MSANTD3: variants seen among roughly 807,000 people sequenced by gnomAD.
MSANTD3 encodes the protein Myb/SANT DNA binding domain containing 3, also known as myb/SANT-like DNA-binding domain-containing protein 3.
In MSANTD3, 11 loss-of-function variants were observed where a neutral mutation model predicts 27.7. The ratio of observed to expected loss-of-function variants is 0.40; its 90% confidence interval spans 0.25 to 0.66. The LOEUF (loss-of-function observed/expected upper bound fraction) is 0.66. Among genes scored for constraint, MSANTD3 ranks in the 30% least tolerant of loss-of-function variants. The pLI, the probability that MSANTD3 is intolerant of heterozygous loss-of-function variation, is 0.41. For missense variants in MSANTD3, 250 were observed against 336.5 expected (o/e 0.74, Z 2.01); for synonymous variants, 131 against 127.2 (o/e 1.03, Z -0.20).
chr9:100,446,825 T>TAA (rs34205662), intron 2 of MSANTD3, among the ~76,000 whole-genome samples: 6,492 of 141,586 alleles, frequency 0.046, 230 homozygotes, highest in African/African-American at 0.1. Context: ...AGACTTCGTC[T>TAA]AAAAAAAAAA....
intron 1 of MSANTD3, among the ~76,000 whole-genome samples, chr9:100,440,282 TA>T (rs1836578852): frequency 6.6e-6 from 1 of 152,160 alleles, no homozygotes; most frequent in Admixed American, 6.5e-5. Context: ...ACCAGACTCC[TA>T]GGGCAGTCCA....
chr9:100,434,425 G>A (rs1836432821), intron 1 of MSANTD3, among the ~76,000 whole-genome samples: 3 of 152,118 alleles, frequency 2.0e-5, no homozygotes, highest in Non-Finnish European at 4.4e-5. Context: ...AGCTACTTGG[G>A]AAGCTGAAGC....
chr9:100,443,323 C>T (rs1314429677), intron 2 of MSANTD3, among the ~76,000 whole-genome samples: 6 of 151,326 alleles, frequency 4.0e-5, no homozygotes, highest in East Asian at 1.9e-4. Context: ...CGCTTGAATT[C>T]GGGAGGCAGA....
chr9:100,431,295 C>T (rs963010667), intron 1 of MSANTD3, among the ~76,000 whole-genome samples: 1 of 147,426 alleles, frequency 6.8e-6, no homozygotes, highest in Non-Finnish European at 1.5e-5. Context: ...AGCCACCATG[C>T]CTAGCCTTTT....
At chr9:100,439,139 C>T (rs1021470800) in intron 1 of MSANTD3, among the ~76,000 whole-genome samples, 1 of 152,108 alleles carries the variant, frequency 6.6e-6, no homozygotes, top group African/African-American at 2.4e-5. Flanking sequence ...TGAGGCAGTG[C>T]GTAGTGAGAG....
chr9:100,441,942 C>T lies in MSANTD3; in HGVS notation c.4C>T (p.Gln2Ter), dbSNP rs1180865219. M[Q>*]NNEIIKPAKY... ...GCCAGGAGAAATACAGTGGAAAATG[C>T]AAAACAACGAAATTATAAAGCCTGC... Residue 2 changes from glutamine to a stop codon, truncating the protein, a stop_gained, in exon 2 of 3, where the codon CAA becomes TAA. Coordinates refer to ENST00000395067, the MANE Select transcript of MSANTD3 (RefSeq NM_080655.3). LOFTEE classifies it high-confidence loss of function. 6.2e-7 allele frequency: 1 copy of T among 1,603,124 alleles called. No homozygotes were observed. The highest frequency in any genetic ancestry group is 1.3e-5 in the African/African-American group (1 of 74,396).
intron 2 of MSANTD3, among the ~76,000 whole-genome samples, chr9:100,446,065 G>A (rs974641104): frequency 6.6e-6 from 1 of 152,268 alleles, no homozygotes; most frequent in Admixed American, 6.5e-5. Context: ...AATAAAATTC[G>A]CTAGGAGTGG....
intron 2 of MSANTD3, among the ~76,000 whole-genome samples, chr9:100,442,935 G>A (rs1836664166): frequency 6.6e-6 from 1 of 152,014 alleles, no homozygotes; most frequent in African/African-American, 2.4e-5. Flanking sequence ...GATTAATGGA[G>A]TTCTTATTAG....
chr9:100,445,515 T>A (rs1441971013), intron 2 of MSANTD3, among the ~76,000 whole-genome samples: 2 of 152,344 alleles, frequency 1.3e-5, no homozygotes, highest in Admixed American at 6.5e-5. Context: ...ATTTTAGATA[T>A]GTTGGATTAA....
intron 2 of MSANTD3, 25 bp from the exon 3 acceptor site, chr9:100,450,530 CAT>C (rs1187129658): frequency 6.7e-7 from 1 of 1,490,104 alleles, no homozygotes; most frequent in Non-Finnish European, 8.9e-7. Flanking sequence ...AATCTTTGAA[CAT>C]ATGTTTTCTG....
Position 100,450,474 on chromosome 9 carries a change from C to G in MSANTD3, c.419-83C>G, listed in dbSNP as rs187297241. The G allele has an allele frequency of 2.5e-4, 312 of 1,257,760 alleles. 3 individuals are homozygous for G. In the African/African-American group the frequency reaches 4.4e-3, roughly 18 times the overall value. 77.9% of individuals were successfully genotyped at this position (1,257,760 alleles called of 1,614,324 possible). On this transcript the variant is annotated intron_variant, in intron 2 of 2. Transcript: ENST00000395067. ...TTAGATACATCCTGTAATGAAGGACCCTGTCATTTGAAATAGGATTGGTTT... is the reference window on the plus strand; with the variant it reads ...TTAGATACATCCTGTAATGAAGGACGCTGTCATTTGAAATAGGATTGGTTT...
intron 1 of MSANTD3, among the ~76,000 whole-genome samples, chr9:100,431,526 C>T (rs1315855324): frequency 1.4e-5 from 2 of 144,806 alleles, no homozygotes; most frequent in Admixed American, 1.4e-4. Flanking sequence ...TGGTCTCAAA[C>T]TTCTGGCATC....
In MSANTD3 at chr9:100,451,426, T is replaced by A. The variant is rs1327863774; in HGVS notation, c.*460T>A. ...CACGTTTCTCCAATGGTGATGCTGTTGCTCAGAACTTGCTAGAGGTCTTTA... is the reference window on the plus strand; with the variant it reads ...CACGTTTCTCCAATGGTGATGCTGTAGCTCAGAACTTGCTAGAGGTCTTTA... On this transcript the variant is annotated 3_prime_UTR_variant, in exon 3 of 3. Transcript: ENST00000395067. 1 of 153,062 alleles carries A rather than the reference T, an allele frequency of 6.5e-6. No individual in the cohort carries two copies. The highest frequency in any genetic ancestry group is 1.5e-5 in the Non-Finnish European group (1 of 68,848). The allele number at this position is 153,062 out of a possible 1,614,324, so 9.5% of individuals were successfully genotyped here. A position where few individuals can be genotyped will look rare whatever the true frequency, so the allele number is the denominator to read the frequency against.
intron 1 of MSANTD3, 113 bp from the exon 2 acceptor site, chr9:100,441,793 A>G: frequency 8.3e-7 from 1 of 1,204,982 alleles, no homozygotes; most frequent in Non-Finnish European, 1.1e-6. Context: ...CTTAATGGAA[A>G]AGAAAGTACT....
At chr9:100,431,699 C>G (rs183771647) in intron 1 of MSANTD3, among the ~76,000 whole-genome samples, 22 of 152,196 alleles carry the variant, frequency 1.4e-4, no homozygotes, top group African/African-American at 3.9e-4. Flanking sequence ...CGGAGCTCAC[C>G]GTCAGATAGG....
Position 100,442,152 on chromosome 9 carries a change from A to G in MSANTD3, c.214A>G (p.Lys72Glu). Residue 72 changes from lysine to glutamate, a missense_variant, in exon 2 of 3, where the codon AAG (lysine) becomes GAG (glutamate). By Grantham distance (56) the Lys-to-Glu change is moderately conservative. Coordinates refer to ENST00000395067, the MANE Select transcript of MSANTD3 (RefSeq NM_080655.3). ...VSLRDFKQLK[K>E]CWENIKARTK... ...CCTGCGGGATTTCAAACAGCTGAAGAAGTGCTGGGAGAACATCAAGGCTCG... is the reference window on the plus strand; with the variant it reads ...CCTGCGGGATTTCAAACAGCTGAAGGAGTGCTGGGAGAACATCAAGGCTCG... 1 of 1,614,182 alleles carries G rather than the reference A, an allele frequency of 6.2e-7. No homozygotes were observed.
At chr9:100,445,155 A>C (rs1255767621) in intron 2 of MSANTD3, 2 of 1,565,580 alleles carry the variant, frequency 1.3e-6, no homozygotes, top group Non-Finnish European at 1.8e-6. Flanking sequence ...CATTTCACTC[A>C]TTTTGCATTT....
In MSANTD3 at chr9:100,437,288, C is replaced by T. The variant is rs144259559; in HGVS notation, c.-33-4618C>T. ...CACACTCCACCTAAATTGCCCTACC[C>T]TGGGCCCTTTCCCGGCTGATGATTA... On this transcript the variant is annotated intron_variant, in intron 1 of 2. Transcript: ENST00000395067. 5.3e-5 allele frequency among the ~76,000 whole-genome samples: 8 copies of T among 152,266 alleles called. No homozygotes were observed. In the East Asian group the frequency reaches 1.4e-3, roughly 26 times the overall value.
At position 100,427,149 on chromosome 9, in the gene MSANTD3, G is replaced by A. The variant is rs1404034354; in HGVS notation, c.-278G>A. 1 of 148,440 alleles carries A rather than the reference G, an allele frequency of 6.7e-6. No individual in the cohort carries two copies. 9.2% of individuals were successfully genotyped at this position (148,440 alleles called of 1,614,324 possible). A position where few individuals can be genotyped will look rare whatever the true frequency, so the allele number is the denominator to read the frequency against. On this transcript the variant is annotated 5_prime_UTR_variant, in exon 1 of 3. Transcript: ENST00000395067. The stretch of plus-strand genomic sequence containing the variant: ...GGGCCGCGCTCCCGCCCTCCTCGGC[G>A]GCGCCGACGGACCGGCAGGCGGCGG...
Sources: gnomAD v4.1 joint callset for allele counts (sites outside exome capture counted in the v4.1 genomes callset) on GRCh38, gnomAD v4.1.1 for gene constraint, MANE v1.5 for transcripts, NCBI Gene and HGNC (gene_info 2026-07-23, HGNC 2026-07-21) for gene names.